Variants in DGKI observed in about 807,000 individuals in gnomAD.
DGKI encodes the protein diacylglycerol kinase iota, also known as DAG kinase iota.
In DGKI, 55 loss-of-function variants were observed where a neutral mutation model predicts 147.5. That is an observed-to-expected ratio of 0.37 (90% CI 0.30 to 0.47). DGKI has a LOEUF of 0.47. Ranked by LOEUF, DGKI falls within the 20% of genes least tolerant of loss-of-function variation. The pLI, the probability that DGKI is intolerant of heterozygous loss-of-function variation, is 1.00. For missense variants in DGKI, 1,007 were observed against 1,323.8 expected (o/e 0.76, Z 3.71); for synonymous variants, 469 against 477.1 (o/e 0.98, Z 0.22).
intron 1 of DGKI, among the ~76,000 whole-genome samples, chr7:137,790,128 G>A (rs889868): frequency 0.65 from 98,234 of 151,824 alleles, 32,176 homozygotes; most frequent in East Asian, 0.87. Flanking sequence ...CTGTATTCCA[G>A]TAAAACTTTA....
chr7:137,830,914 T>TG (rs1798198741), intron 1 of DGKI, among the ~76,000 whole-genome samples: 1 of 152,292 alleles, frequency 6.6e-6, no homozygotes, highest in East Asian at 1.9e-4. Context: ...TATAGCCCTT[T>TG]GACTTAAATT....
At chr7:137,810,938 G>A (rs138833644) in intron 1 of DGKI, among the ~76,000 whole-genome samples, 2 of 152,306 alleles carry the variant, frequency 1.3e-5, no homozygotes, top group African/African-American at 4.8e-5. Context: ...ACAGTTGGCA[G>A]AACTGGCTCT....
chr7:137,683,548 C>G (rs1250294740), intron 2 of DGKI, among the ~76,000 whole-genome samples: 1 of 152,120 alleles, frequency 6.6e-6, no homozygotes, highest in Non-Finnish European at 1.5e-5. Flanking sequence ...CTCCCTGTCA[C>G]TCTTCTTGAA....
At chr7:137,628,939 C>T (rs919867790) in intron 6 of DGKI, among the ~76,000 whole-genome samples, 1 of 152,156 alleles carries the variant, frequency 6.6e-6, no homozygotes, top group African/African-American at 2.4e-5. Context: ...TTCATTATTT[C>T]TGTATTTAAC....
intron 20 of DGKI, among the ~76,000 whole-genome samples, chr7:137,548,602 G>A (rs188279815): frequency 0.026 from 3,919 of 152,252 alleles, 76 homozygotes; most frequent in South Asian, 0.072. Context: ...CACCAGAAGC[G>A]AAGCAGATGC....
chr7:137,579,040 G>T (rs1819084734), intron 15 of DGKI, among the ~76,000 whole-genome samples: 1 of 152,088 alleles, frequency 6.6e-6, no homozygotes, highest in Non-Finnish European at 1.5e-5. Flanking sequence ...CTCCTTTAAT[G>T]AGATTTATAT....
intron 19 of DGKI, among the ~76,000 whole-genome samples, chr7:137,566,424 T>C (rs1313725547): frequency 1.3e-5 from 2 of 152,118 alleles, no homozygotes; most frequent in Non-Finnish European, 2.9e-5. Flanking sequence ...ATAAAATGTG[T>C]CTAAAAAGAG....
At chr7:137,457,034 T>A (rs776759933) in intron 27 of DGKI, among the ~76,000 whole-genome samples, 6 of 152,190 alleles carry the variant, frequency 3.9e-5, no homozygotes, top group Non-Finnish European at 8.8e-5. Flanking sequence ...AATAGAGTAA[T>A]TCACCAAGTC....
At chr7:137,470,275 C>A (rs979186017) in intron 23 of DGKI, among the ~76,000 whole-genome samples, 3 of 152,164 alleles carry the variant, frequency 2.0e-5, no homozygotes, top group Admixed American at 6.5e-5. Context: ...ATTTTCTAGG[C>A]GTCTCATTTC....
intron 27 of DGKI, among the ~76,000 whole-genome samples, chr7:137,449,635 G>T (rs979637922): frequency 6.6e-6 from 1 of 152,182 alleles, no homozygotes; most frequent in East Asian, 1.9e-4. Context: ...AGAGAAATGC[G>T]ATTACCTCAA....
At chr7:137,813,048 T>C (rs1440945934) in intron 1 of DGKI, among the ~76,000 whole-genome samples, 1 of 152,190 alleles carries the variant, frequency 6.6e-6, no homozygotes, top group East Asian at 1.9e-4. Flanking sequence ...CACAAGTTGA[T>C]ATGCAACCAG....
At chr7:137,555,421 G>A (rs1366901296) in intron 19 of DGKI, among the ~76,000 whole-genome samples, 4 of 152,058 alleles carry the variant, frequency 2.6e-5, no homozygotes, top group Middle Eastern at 6.8e-3. Flanking sequence ...AGCTAGTTGG[G>A]AGGCTTAGGG....
chr7:137,836,763 C>T (rs1237457288), intron 1 of DGKI, among the ~76,000 whole-genome samples: 2 of 152,318 alleles, frequency 1.3e-5, no homozygotes, highest in East Asian at 3.9e-4. Flanking sequence ...ATCTTGGCCT[C>T]CCTACAACTG....
intron 1 of DGKI, among the ~76,000 whole-genome samples, chr7:137,830,350 C>G (rs1162365953): frequency 6.6e-6 from 1 of 152,202 alleles, no homozygotes; most frequent in Non-Finnish European, 1.5e-5. Context: ...CAGATGGGGA[C>G]AGAAACCCAG....
At chr7:137,680,758 G>T (rs1395382766) in intron 2 of DGKI, among the ~76,000 whole-genome samples, 2 of 151,946 alleles carry the variant, frequency 1.3e-5, no homozygotes, top group Admixed American at 1.3e-4. Context: ...TCCAGTCTGG[G>T]CAATGGATCA....
intron 7 of DGKI, among the ~76,000 whole-genome samples, chr7:137,620,160 C>A (rs764259212): frequency 7.9e-5 from 12 of 152,042 alleles, no homozygotes; most frequent in Middle Eastern, 3.2e-3. Context: ...GCCCCAGGAG[C>A]TTAGAGACCA....
At chr7:137,484,777 G>A (rs1815495861) in intron 23 of DGKI, among the ~76,000 whole-genome samples, 2 of 151,962 alleles carry the variant, frequency 1.3e-5, no homozygotes. Context: ...ATGCAGACTG[G>A]GTTTATTAGA....
chr7:137,800,497 C>T (rs1203863902), intron 1 of DGKI, among the ~76,000 whole-genome samples: 7 of 152,092 alleles, frequency 4.6e-5, no homozygotes, highest in Non-Finnish European at 7.4e-5. Context: ...GCTCCCTCTT[C>T]GATTTCCGCC....
chr7:137,525,740 C>T (rs984556328), intron 20 of DGKI, among the ~76,000 whole-genome samples: 5 of 152,262 alleles, frequency 3.3e-5, no homozygotes, highest in African/African-American at 1.2e-4. Context: ...TAGCTATTAT[C>T]ATTATAATAA....
Sources: allele counts gnomAD v4.1 joint callset (sites outside exome capture counted in the v4.1 genomes callset), GRCh38; gene constraint gnomAD v4.1.1; transcripts MANE v1.5; gene names NCBI Gene and HGNC (gene_info 2026-07-23, HGNC 2026-07-21).